Variants in EFCAB10 observed in about 807,000 individuals in gnomAD.
EFCAB10 encodes the protein EF-hand calcium binding domain 10.
In EFCAB10, 7 loss-of-function variants were observed where a neutral mutation model predicts 7.7. The observed-to-expected ratio is 0.91, with a 90% CI of 0.52 to 1.72. EFCAB10 has a LOEUF of 1.72. Among genes scored for constraint, EFCAB10 ranks in the 40% most tolerant of loss-of-function variants. The probability of loss-of-function intolerance (pLI) is 0.00; values close to 1 mark genes in which losing one functional copy is unlikely to be tolerated. For missense variants in EFCAB10, 112 were observed against 61.5 expected (o/e 1.82, Z -2.74); for synonymous variants, 52 against 21.0 (o/e 2.47, Z -4.03).
At chr7:105,580,076 C>G (rs1255178633) in intron 1 of EFCAB10, among the ~76,000 whole-genome samples, 1 of 152,068 alleles carries the variant, frequency 6.6e-6, no homozygotes, top group African/African-American at 2.4e-5. Context: ...ACCTCCGCCT[C>G]CCAGGTTCAC....
chr7:105,565,725 C>T (rs926356788), intron 4 of EFCAB10: 21 of 969,314 alleles, frequency 2.2e-5, no homozygotes, highest in Non-Finnish European at 3.3e-5. Context: ...CTTTAGGGTT[C>T]TGGAGATGTT....
intron 1 of EFCAB10, among the ~76,000 whole-genome samples, chr7:105,577,801 C>A (rs1019151631): frequency 1.3e-5 from 2 of 151,764 alleles, no homozygotes; most frequent in African/African-American, 4.8e-5. Context: ...CTCACTGCAA[C>A]CTCTGCCTCC....
Position 105,565,590 on chromosome 7 carries a change from C to T in EFCAB10, c.*-143G>A, listed in dbSNP as rs777291719. The T allele has an allele frequency of 5.0e-6, 8 of 1,613,762 alleles. No homozygotes were observed. The Admixed American group carries it at 6.7e-5, about 13-fold the overall frequency. Reference sequence around the variant, plus strand: ...AGCCCAGCTGCAGTTTGATATGACTCGGAATCTTTTCCCTTTGTTTTCTCA... The same window carrying T: ...AGCCCAGCTGCAGTTTGATATGACTTGGAATCTTTTCCCTTTGTTTTCTCA... On this transcript the variant is annotated intron_variant, in intron 4 of 4. Coordinates refer to ENST00000480514, the MANE Select transcript of EFCAB10 (RefSeq NM_001355526.2).
chr7:105,574,148 A>G (rs1792012822), intron 1 of EFCAB10, among the ~76,000 whole-genome samples: 1 of 145,480 alleles, frequency 6.9e-6, no homozygotes, highest in African/African-American at 2.5e-5. Flanking sequence ...ATATATATAC[A>G]CATACATATA....
chr7:105,576,686 C>T (rs748638818), intron 1 of EFCAB10, among the ~76,000 whole-genome samples: 11 of 152,098 alleles, frequency 7.2e-5, no homozygotes, highest in East Asian at 1.9e-4. Flanking sequence ...CCTCGTGATC[C>T]GCCTGCCTTG....
At chr7:105,578,107 G>A (rs768185885) in intron 1 of EFCAB10, among the ~76,000 whole-genome samples, 13 of 152,110 alleles carry the variant, frequency 8.5e-5, no homozygotes, top group South Asian at 2.1e-4. Context: ...TAAGATACCC[G>A]TATTCAGGAT....
At chr7:105,570,240 AATAT>A (rs1190599721) in intron 1 of EFCAB10, among the ~76,000 whole-genome samples, 470 of 24,880 alleles carry the variant, frequency 0.019, 15 homozygotes, top group Middle Eastern at 0.024. Context: ...AAAAAAAAAA[AATAT>A]ATATATATAT....
intron 4 of EFCAB10, 190 bp from the exon 5 acceptor site, chr7:105,565,637 T>G: frequency 1.3e-6 from 2 of 1,597,662 alleles, no homozygotes; most frequent in South Asian, 1.1e-5. Context: ...GACCAGAAAA[T>G]TATTTTAAAC....
intron 1 of EFCAB10, among the ~76,000 whole-genome samples, chr7:105,579,158 A>G (rs1792161249): frequency 6.6e-6 from 1 of 152,250 alleles, no homozygotes; most frequent in African/African-American, 2.4e-5. Context: ...ACGCTCTCTC[A>G]GGAAGCCACT....
intron 4 of EFCAB10, chr7:105,566,979 C>CAAATAATAAATCCATAAATATTTT (rs1191552739): frequency 1.9e-5 from 9 of 468,742 alleles, no homozygotes; most frequent in Non-Finnish European, 3.2e-5. Context: ...TTAAAAGAAC[C>CAAATAATAAATCCATAAATATTTT]AAATAATAAA....
At chr7:105,567,010 GAAC>G in intron 4 of EFCAB10, 1 of 552,958 alleles carries the variant, frequency 1.8e-6, no homozygotes, top group Non-Finnish European at 3.0e-6. Flanking sequence ...TTTTTATAGA[GAAC>G]ATGTGGACCA....
intron 3 of EFCAB10, 103 bp downstream of exon 3, chr7:105,569,099 CA>C: frequency 1.5e-6 from 1 of 658,618 alleles, no homozygotes; most frequent in East Asian, 2.8e-5. Context: ...TTCAAGGGAA[CA>C]AAATATTTCT....
intron 1 of EFCAB10, chr7:105,572,312 G>A (rs1791971655): frequency 1.3e-5 from 2 of 152,312 alleles, no homozygotes; most frequent in South Asian, 4.1e-4. Context: ...TTCTGTGCGT[G>A]ATTTACTTCA....
At chr7:105,567,632 C>T (rs1791826265) in intron 3 of EFCAB10, 142 bp from the exon 4 acceptor site, 1 of 554,920 alleles carries the variant, frequency 1.8e-6, no homozygotes, top group East Asian at 2.9e-5. Context: ...AAGGGAAATT[C>T]TGTTGTGGAT....
intron 1 of EFCAB10, among the ~76,000 whole-genome samples, chr7:105,570,129 G>A (rs1287923127): frequency 3.6e-5 from 5 of 140,044 alleles, no homozygotes; most frequent in Non-Finnish European, 6.1e-5. Context: ...CAGGAGAATC[G>A]CTTGAACCCG....
chr7:105,574,408 C>T (rs763430919), intron 1 of EFCAB10, among the ~76,000 whole-genome samples: 5 of 151,828 alleles, frequency 3.3e-5, no homozygotes, highest in Non-Finnish European at 7.4e-5. Context: ...GGAGGCCTCA[C>T]AGTCATGGCA....
intron 1 of EFCAB10, among the ~76,000 whole-genome samples, 171 bp downstream of exon 1, chr7:105,581,187 C>T (rs1263346794): frequency 1.3e-5 from 2 of 152,148 alleles, no homozygotes; most frequent in African/African-American, 4.8e-5. Context: ...TGAGATCACG[C>T]CATTGTACTG....
At chr7:105,567,567 TGAA>T in intron 3 of EFCAB10, 77 bp from the exon 4 acceptor site, 1 of 634,964 alleles carries the variant, frequency 1.6e-6, no homozygotes, top group South Asian at 1.7e-5. Flanking sequence ...GTATGTCTGT[TGAA>T]GACGAGCAGA....
rs369513468 is a variant in EFCAB10 at position 105,580,962 on chromosome 7, A to G, written c.106+396T>C. Among the ~76,000 whole-genome samples the G allele has an allele frequency of 6.6e-5, 10 of 152,298 alleles. No homozygotes were observed. The East Asian group carries it at 1.4e-3, about 21-fold the overall frequency. ...TGGCCGTGCGCGGTGGCTCACGCCTACAATCCCAGCACTTTGAGGCGCCGA... is the reference window on the plus strand; with the variant it reads ...TGGCCGTGCGCGGTGGCTCACGCCTGCAATCCCAGCACTTTGAGGCGCCGA... On this transcript the variant is annotated intron_variant, in intron 1 of 4. Coordinates refer to ENST00000480514, the MANE Select transcript of EFCAB10 (RefSeq NM_001355526.2).
Sources: allele counts gnomAD v4.1 joint callset (sites outside exome capture counted in the v4.1 genomes callset), GRCh38; gene constraint gnomAD v4.1.1; transcripts MANE v1.5; gene names NCBI Gene and HGNC (gene_info 2026-07-23, HGNC 2026-07-21).